Variants in MACF1 observed in about 807,000 individuals in gnomAD.
The protein encoded by MACF1 is microtubule-actin cross-linking factor 1.
In MACF1, 193 loss-of-function variants were observed where a neutral mutation model predicts 854.8. The ratio of observed to expected loss-of-function variants is 0.23; its 90% CI spans 0.20 to 0.25. The LOEUF (loss-of-function observed/expected upper bound fraction) is 0.25, where lower values mean the gene tolerates loss of function less well. Ranked by LOEUF, MACF1 falls within the 10% of genes least tolerant of loss-of-function variation. The pLI is 1.00. For missense variants in MACF1, 7,722 were observed against 8,929.1 expected (o/e 0.86, Z 5.45); for synonymous variants, 3,185 against 3,226.7 (o/e 0.99, Z 0.44).
intron 58 of MACF1, among the ~76,000 whole-genome samples, chr1:39,400,722 A>T (rs1244863406): frequency 1.3e-5 from 2 of 152,046 alleles, no homozygotes; most frequent in Admixed American, 6.6e-5. Flanking sequence ...TGCCCAGGCT[A>T]GTCTTGAACT....
chr1:39,350,984 C>T lies in MACF1; in HGVS notation c.11165C>T (p.Ala3722Val). 1 of 1,614,094 alleles carries T rather than the reference C, an allele frequency of 6.2e-7. No individual in the cohort carries two copies. Among genetic ancestry groups the T allele is most frequent in the Non-Finnish European group, 8.5e-7 (1 of 1,179,974 alleles). Residue 3722 changes from alanine to valine, a missense_variant, in exon 43 of 101, where the codon GCA becomes GTA. By Grantham distance (64) the Ala-to-Val change is moderately conservative. Transcript: ENST00000564288. ...GTGGCCCAGAAGGAACTGGAGGAAG[C>T]AGTGACCTCCGCCTTACAGCAGGAG... ...TRVAQKELEE[A>V]VTSALQQETE...
At chr1:39,459,390 C>A in intron 91 of MACF1, 141 bp downstream of exon 91, 1 of 900,054 alleles carries the variant, frequency 1.1e-6, no homozygotes, top group Non-Finnish European at 1.6e-6. Context: ...CAAGCCAGTA[C>A]TCATTCTTTG....
intron 58 of MACF1, chr1:39,412,782 A>G (rs1185225313): frequency 1.9e-6 from 3 of 1,612,792 alleles, no homozygotes; most frequent in Non-Finnish European, 2.5e-6. Flanking sequence ...GGACTGCTGC[A>G]GTACCCACTG....
At chr1:39,304,435 C>A in intron 23 of MACF1, 4 of 1,364,396 alleles carry the variant, frequency 2.9e-6, no homozygotes, top group East Asian at 2.3e-5. Flanking sequence ...CCTCTCCACC[C>A]TTTCCTTTAG....
chr1:39,186,529 T>G (rs1045806712), intron 2 of MACF1, among the ~76,000 whole-genome samples: 1 of 152,094 alleles, frequency 6.6e-6, no homozygotes, highest in Admixed American at 6.6e-5. Flanking sequence ...TCTATAACAT[T>G]AAATCAAAAT....
chr1:39,221,419 T>C (rs577913959), intron 1 of MACF1, among the ~76,000 whole-genome samples: 9 of 152,332 alleles, frequency 5.9e-5, no homozygotes, highest in Admixed American at 2.0e-4. Context: ...ATTCCTTATC[T>C]TCAGTTCTGA....
At chr1:39,413,920 G>A in intron 58 of MACF1, 1 of 1,605,980 alleles carries the variant, frequency 6.2e-7, no homozygotes, top group Non-Finnish European at 8.5e-7. Context: ...CACTTCCCCG[G>A]CAGCTTCAGT....
At chr1:39,137,055 AT>A (rs1406882279) in intron 2 of MACF1, among the ~76,000 whole-genome samples, 1 of 152,070 alleles carries the variant, frequency 6.6e-6, no homozygotes, top group East Asian at 1.9e-4. Context: ...AAAGTTTGTT[AT>A]TTTTTTAATT....
intron 69 of MACF1, among the ~76,000 whole-genome samples, chr1:39,435,285 A>G (rs1257538970): frequency 6.6e-6 from 1 of 152,220 alleles, no homozygotes; most frequent in Non-Finnish European, 1.5e-5. Context: ...TGTATGACAC[A>G]GCTGGTAGGG....
chr1:39,110,999 T>C (rs1439931839), intron 2 of MACF1, among the ~76,000 whole-genome samples: 1 of 152,212 alleles, frequency 6.6e-6, no homozygotes, highest in East Asian at 1.9e-4. Flanking sequence ...ACCCAGTCTT[T>C]ACTCCTTTTT....
chr1:39,305,541 G>A (rs1195065738), intron 23 of MACF1, among the ~76,000 whole-genome samples: 1 of 152,098 alleles, frequency 6.6e-6, no homozygotes, highest in Non-Finnish European at 1.5e-5. Context: ...TTAACATTTA[G>A]CTTTCTATGC....
chr1:39,089,458 A>G (rs753615220), intron 2 of MACF1, among the ~76,000 whole-genome samples: 17 of 152,172 alleles, frequency 1.1e-4, no homozygotes, highest in African/African-American at 1.9e-4. Flanking sequence ...TCAGACGACA[A>G]TTGTCTCTCT....
At chr1:39,348,496 T>C (rs1336386034) in intron 41 of MACF1, among the ~76,000 whole-genome samples, 3 of 152,224 alleles carry the variant, frequency 2.0e-5, no homozygotes, top group African/African-American at 7.2e-5. Context: ...TGTGTTAACT[T>C]GTTTGCTTTG....
Position 39,452,229 on chromosome 1 carries a change from A to C in MACF1, c.20492A>C (p.Glu6831Ala). Residue 6831 changes from glutamate to alanine, a missense_variant, in exon 86 of 101, where the codon GAG becomes GCG. By Grantham distance (107) the Glu-to-Ala change is moderately radical. This residue lies in a region of MACF1 where 729 missense variants were observed against 900.5 expected (regional missense o/e 0.81). Transcript: ENST00000564288. ...AAGCGGTCAGGCCGAGAGCTGATTG[A>C]GAATAGTCGAGATGACACCACTTGG... ...VLKRSGRELI[E>A]NSRDDTTWVK... The C allele has an allele frequency of 6.2e-7, 1 of 1,614,194 alleles. No homozygotes were observed. Among genetic ancestry groups the C allele is most frequent in the Non-Finnish European group, 8.5e-7 (1 of 1,180,024 alleles).
At position 39,437,902 on chromosome 1, in the gene MACF1, C is replaced by T. The variant is rs1410799868; in HGVS notation, c.18114C>T (p.Ala6038=). ...AGTGCATCAGTGACAATAAGAGTGC[C>T]ACCGTGGAGCTAGAAAAACTGCAGC... ...IRECISDNKS[A]TVELEKLQPS... Residue 6038 remains alanine, a synonymous_variant, in exon 71 of 101, where the codon GCC becomes GCT. Coordinates refer to ENST00000564288, the MANE Select transcript of MACF1 (RefSeq NM_001394062.1). 9 of 1,613,988 alleles carry T rather than the reference C, an allele frequency of 5.6e-6. No homozygotes were observed. Among genetic ancestry groups the T allele is most frequent in the African/African-American group, 2.7e-5 (2 of 74,890 alleles).
At chr1:39,364,623 G>C (rs1648518819) in intron 49 of MACF1, among the ~76,000 whole-genome samples, 1 of 151,966 alleles carries the variant, frequency 6.6e-6, no homozygotes, top group South Asian at 2.1e-4. Context: ...CTCCTGAGCA[G>C]CTGGGACTAC....
At chr1:39,110,230 C>CTTTTTTTTTT (rs5773651) in intron 2 of MACF1, among the ~76,000 whole-genome samples, 3 of 84,562 alleles carry the variant, frequency 3.5e-5, no homozygotes, top group African/African-American at 4.9e-5. Flanking sequence ...GGATGTTGTT[C>CTTTTTTTTTT]TTTTTTTTTT....
chr1:39,297,217 C>T (rs61782157), intron 20 of MACF1, among the ~76,000 whole-genome samples: 24,434 of 152,134 alleles, frequency 0.16, 2,463 homozygotes, highest in Middle Eastern at 0.22. Context: ...TGAGCCACCG[C>T]GCCTGGCCTT....
chr1:39,182,075 C>T (rs1312370417), intron 2 of MACF1, among the ~76,000 whole-genome samples: 6 of 151,430 alleles, frequency 4.0e-5, no homozygotes, highest in African/African-American at 1.2e-4. Context: ...CGCTTGAACC[C>T]GGGAGGCAGA....
Sources: gnomAD v4.1 joint callset for allele counts (sites outside exome capture counted in the v4.1 genomes callset) on GRCh38, gnomAD v4.1.1 for gene constraint, gnomAD v4.1.1 regional missense constraint, MANE v1.5 for transcripts, NCBI Gene and HGNC (gene_info 2026-07-23, HGNC 2026-07-21) for gene names.